The following HPSE2 variants were observed in gnomAD, a reference collection of about 807,000 sequenced individuals.
HPSE2 encodes the protein inactive heparanase-2.
Under a neutral mutation model 60.5 loss-of-function variants are expected in HPSE2, and 38 were observed. The ratio of observed to expected loss-of-function variants is 0.63; its 90% CI spans 0.48 to 0.82. HPSE2 has a LOEUF of 0.82. HPSE2 is among the 40% of genes least tolerant of loss of function. HPSE2 has a pLI of 0.00. For missense variants in HPSE2, 713 were observed against 740.4 expected (o/e 0.96, Z 0.43); for synonymous variants, 295 against 293.2 (o/e 1.01, Z -0.06).
chr10:98,888,151 C>CACACACACACATACACACACACACACAT (rs1434519727), intron 3 of HPSE2, among the ~76,000 whole-genome samples: 10 of 150,616 alleles, frequency 6.6e-5, no homozygotes, highest in African/African-American at 2.2e-4. Context: ...CACACACACA[C>CACACACACACATACACACACACACACAT]ACACACACAC....
intron 3 of HPSE2, among the ~76,000 whole-genome samples, chr10:99,058,206 T>C (rs1234295730): frequency 2.6e-5 from 4 of 152,214 alleles, no homozygotes; most frequent in Non-Finnish European, 5.9e-5. Context: ...CCATCTGGAA[T>C]TTTTTAAATC....
At chr10:98,498,469 C>T (rs1941924526) in intron 9 of HPSE2, among the ~76,000 whole-genome samples, 1 of 152,090 alleles carries the variant, frequency 6.6e-6, no homozygotes, top group South Asian at 2.1e-4. Context: ...AAGGGAACAC[C>T]CCATGGGACA....
intron 3 of HPSE2, among the ~76,000 whole-genome samples, chr10:98,985,792 G>A (rs1564713144): frequency 6.6e-6 from 1 of 152,114 alleles, no homozygotes; most frequent in Non-Finnish European, 1.5e-5. Context: ...AACGGATGGA[G>A]GAAGATCTAC....
chr10:98,731,784 G>T (rs1357510296), intron 4 of HPSE2, among the ~76,000 whole-genome samples: 2 of 152,086 alleles, frequency 1.3e-5, no homozygotes, highest in African/African-American at 2.4e-5. Context: ...AGTGCAGTCA[G>T]GCAAGGGAGA....
intron 3 of HPSE2, among the ~76,000 whole-genome samples, chr10:99,132,166 A>G (rs1168907533): frequency 2.7e-4 from 10 of 36,682 alleles, no homozygotes; most frequent in African/African-American, 1.0e-3. Flanking sequence ...AGAAAGAAAG[A>G]AAGAAAGAAA....
intron 3 of HPSE2, among the ~76,000 whole-genome samples, chr10:98,949,045 C>G (rs1592155): frequency 6.6e-6 from 1 of 151,720 alleles, no homozygotes; most frequent in African/African-American, 2.4e-5. Context: ...TTTTGCTGCA[C>G]GGGGAGTTGG....
At chr10:99,310,432 C>G in the HPSE2 span, among the ~76,000 whole-genome samples, 1 of 152,054 alleles carries the variant, frequency 6.6e-6, no homozygotes, top group Non-Finnish European at 1.5e-5. Context: ...AAAGAAAAAC[C>G]TACAGTGTTC....
chr10:98,657,454 C>A (rs1296593350), intron 6 of HPSE2, among the ~76,000 whole-genome samples: 1 of 152,060 alleles, frequency 6.6e-6, no homozygotes, highest in Non-Finnish European at 1.5e-5. Flanking sequence ...CTTCAACACC[C>A]CCCGCCCCAG....
intron 2 of HPSE2, among the ~76,000 whole-genome samples, chr10:99,154,531 A>T (rs1353921154): frequency 3.1e-4 from 46 of 147,684 alleles, no homozygotes; most frequent in East Asian, 1.0e-3. Context: ...GAAATAAAAT[A>T]CTTTACAGAC....
rs1310581364 is a variant in HPSE2 at position 98,457,708 on chromosome 10, C to G, written c.*1866G>C. 6.6e-6 allele frequency: 1 copy of G among 152,300 alleles called. No homozygotes were observed. The highest frequency in any genetic ancestry group is 1.5e-5 in the Non-Finnish European group (1 of 68,208). 9.4% of individuals were successfully genotyped at this position (152,300 alleles called of 1,614,324 possible). A position where few individuals can be genotyped will look rare whatever the true frequency, so the allele number is the denominator to read the frequency against. ...TTTCTCTTATTTCCTACCCCCCGCC[C>G]CGCCCCCATCTTGGTACTTCACTTT... On this transcript the variant is annotated 3_prime_UTR_variant, in exon 12 of 12. Transcript: ENST00000370552.
At chr10:98,624,458 G>C (rs548820386) in intron 7 of HPSE2, among the ~76,000 whole-genome samples, 1 of 152,224 alleles carries the variant, frequency 6.6e-6, no homozygotes, top group East Asian at 1.9e-4. Flanking sequence ...AAGTAAGGGA[G>C]TGAAATATTT....
At chr10:98,620,831 G>A in intron 7 of HPSE2, 123 bp from the exon 8 acceptor site, 1 of 764,076 alleles carries the variant, frequency 1.3e-6, no homozygotes, top group East Asian at 2.7e-5. Flanking sequence ...GTCATGATTT[G>A]TGCTTTCTTA....
intron 6 of HPSE2, among the ~76,000 whole-genome samples, chr10:98,650,223 G>A (rs990527975): frequency 3.3e-5 from 5 of 152,156 alleles, no homozygotes; most frequent in African/African-American, 9.7e-5. Context: ...AGTCTCTGAG[G>A]AAAAGCCACA....
chr10:98,848,405 G>A (rs1162598113), intron 3 of HPSE2, among the ~76,000 whole-genome samples: 1 of 150,864 alleles, frequency 6.6e-6, no homozygotes, highest in Non-Finnish European at 1.5e-5. Context: ...GTGACAGATT[G>A]AGACTCTGTC....
chr10:98,926,047 CTCTG>C (rs1954450891), intron 3 of HPSE2, among the ~76,000 whole-genome samples: 1 of 152,026 alleles, frequency 6.6e-6, no homozygotes, highest in South Asian at 2.1e-4. Context: ...AGTATATTTA[CTCTG>C]TCTTTTTGGC....
chr10:98,693,960 G>T lies in HPSE2; in HGVS notation c.957-13C>A. ...CACCTTCATGAATCTGTAAGGAATA[G>T]AAAGAAAAAAGATATTACAACTTAG... On this transcript the variant is annotated splice_polypyrimidine_tract_variant and intron_variant, in intron 5 of 11. Coordinates refer to ENST00000370552, the MANE Select transcript of HPSE2 (RefSeq NM_021828.5). 1.9e-6 allele frequency: 3 copies of T among 1,580,928 alleles called. No individual in the cohort carries two copies. Among genetic ancestry groups the T allele is most frequent in the Admixed American group, 1.7e-5 (1 of 57,808 alleles).
At chr10:98,655,699 A>G (rs55809148) in intron 6 of HPSE2, among the ~76,000 whole-genome samples, 2,231 of 152,330 alleles carry the variant, frequency 0.015, 64 homozygotes, top group African/African-American at 0.05. Context: ...ATGCATGTCA[A>G]CACTGACCTT....
chr10:98,823,409 A>G (rs929603660), intron 3 of HPSE2, among the ~76,000 whole-genome samples: 10 of 152,186 alleles, frequency 6.6e-5, no homozygotes, highest in African/African-American at 2.4e-4. Context: ...GCTTGAGGCC[A>G]GGAGTTCAAG....
At chr10:99,186,898 T>TC (rs1848049855) in intron 2 of HPSE2, among the ~76,000 whole-genome samples, 1 of 151,982 alleles carries the variant, frequency 6.6e-6, no homozygotes, top group Admixed American at 6.6e-5. Flanking sequence ...TCCTCCCACT[T>TC]CAGTCTCCCT....
Sources: allele counts gnomAD v4.1 joint callset (sites outside exome capture counted in the v4.1 genomes callset), GRCh38; gene constraint gnomAD v4.1.1; transcripts MANE v1.5; gene names NCBI Gene and HGNC (gene_info 2026-07-23, HGNC 2026-07-21).